IL17D: variants seen among roughly 807,000 people sequenced by gnomAD.
IL17D encodes interleukin 17D.
A neutral mutation model predicts 5.7 loss-of-function variants in IL17D; 10 were observed. The observed-to-expected ratio is 1.75, with a 90% CI of 1.08 to 2.97. The LOEUF is 2.97. IL17D is among the 30% of genes most tolerant of loss of function. The probability of loss-of-function intolerance (pLI) is 0.00; values close to 1 mark genes in which losing one functional copy is unlikely to be tolerated. For missense variants in IL17D, 354 were observed against 292.7 expected, an observed-to-expected ratio of 1.21 and a Z score of -1.53; for synonymous variants, 172 against 141.7, an observed-to-expected ratio of 1.21 and a Z score of -1.52.
intron 1 of IL17D, among the ~76,000 whole-genome samples, chr13:20,718,729 T>A (rs764405840): frequency 3.8e-5 from 2 of 52,084 alleles, no homozygotes; most frequent in Non-Finnish European, 4.0e-5. Flanking sequence ...CTTACACACA[T>A]GGCTACGCTC....
chr13:20,714,006 G>A (rs993592105), intron 1 of IL17D: 1 of 152,272 alleles, frequency 6.6e-6, no homozygotes, highest in Non-Finnish European at 1.5e-5. Flanking sequence ...CTTCAAAGAT[G>A]GCTCTGAACC....
chr13:20,702,244 G>A (rs916110604), upstream of IL17D: 2 of 152,204 alleles, frequency 1.3e-5, no homozygotes, highest in African/African-American at 4.8e-5. Context: ...GCTGTAAATT[G>A]CTTAAATCGC....
intron 1 of IL17D, among the ~76,000 whole-genome samples, chr13:20,711,510 TA>T (rs1319452330): frequency 1.3e-5 from 2 of 152,284 alleles, no homozygotes; most frequent in Non-Finnish European, 2.9e-5. Flanking sequence ...ACTGAGTTTT[TA>T]ACACATGAGC....
intron 1 of IL17D, among the ~76,000 whole-genome samples, chr13:20,710,016 G>A (rs561893769): frequency 1.7e-4 from 26 of 152,270 alleles, no homozygotes; most frequent in African/African-American, 6.0e-4. Context: ...TTGGCCCCAG[G>A]TGACAGACAG....
In IL17D at chr13:20,721,395, T is replaced by G. The variant is rs565777790; in HGVS notation, c.291-241T>G. On this transcript the variant is annotated intron_variant, in intron 1 of 1. Coordinates refer to ENST00000682841, the MANE Select transcript of IL17D (RefSeq NM_001385224.1). ...CATAGATTTTATTTTTCTGCGCACA[T>G]TAGCCCAGACTCTGGAAGTAGTTTT... is the stretch of plus-strand genomic sequence containing the variant. Among the ~76,000 whole-genome samples the G allele has an allele frequency of 7.9e-5, 12 of 152,342 alleles. No individual in the cohort carries two copies. In the East Asian group the frequency reaches 2.3e-3, roughly 29 times the overall value.
intron 1 of IL17D, chr13:20,717,360 T>C (rs969590782): frequency 1.3e-5 from 2 of 152,218 alleles, no homozygotes; most frequent in Admixed American, 6.5e-5. Context: ...CGGTTGCTTG[T>C]CCGTGTTTGG....
rs7787 is a variant in IL17D, at chr13:20,723,059, T to A, written c.*1105T>A. 0.4 allele frequency: 60,433 copies of A among 152,064 alleles called. 12,975 individuals carry two copies. Among genetic ancestry groups the A allele is most frequent in the Non-Finnish European group, 0.49 (33,181 of 68,004 alleles). 9.4% of individuals were successfully genotyped at this position (152,064 alleles called of 1,614,324 possible). On this transcript the variant is annotated 3_prime_UTR_variant, in exon 2 of 2. Transcript: ENST00000682841. ...GAACACAATTATTTGTAAAAGTTAG[T>A]AGTTCTTTTTTAAATCATTAAAAGA...
intron 1 of IL17D, among the ~76,000 whole-genome samples, chr13:20,720,637 C>A (rs531491565): frequency 6.6e-6 from 1 of 152,356 alleles, no homozygotes; most frequent in Admixed American, 6.5e-5. Context: ...AGCTCCTGAT[C>A]CCTGCGCTGC....
intron 1 of IL17D, among the ~76,000 whole-genome samples, chr13:20,707,098 C>G (rs971805720): frequency 7.2e-5 from 11 of 152,124 alleles, no homozygotes; most frequent in Admixed American, 7.2e-4. Context: ...ATTTTCCTGC[C>G]AGGAGAGCCC....
chr13:20,721,500 G>A (rs987572195), intron 1 of IL17D, 136 bp from the exon 2 acceptor site: 1 of 648,090 alleles, frequency 1.5e-6, no homozygotes, highest in Non-Finnish European at 2.6e-6. Flanking sequence ...GTCGGCGGGG[G>A]GCCTCGCACG....
chr13:20,704,246 T>TCCGG lies in IL17D; in HGVS notation c.249_252dup (p.Pro85AlafsTer28). The TCCGG allele has an allele frequency of 4.7e-6, 6 of 1,264,722 alleles. No homozygotes were observed. Among genetic ancestry groups the TCCGG allele is most frequent in the Non-Finnish European group, 6.0e-6 (6 of 1,004,306 alleles). 78.3% of individuals were successfully genotyped at this position (1,264,722 alleles called of 1,614,324 possible). A position where few individuals can be genotyped will look rare whatever the true frequency, so the allele number is the denominator to read the frequency against. ...GGGGGCAGGCCCGCCGACCGCCGCT[T>TCCGG]CCGGCCGCCCACCAACCTGCGCAGC... On this transcript the variant is annotated frameshift_variant, in exon 1 of 2. Transcript: ENST00000682841. LOFTEE classifies it high-confidence loss of function.
chr13:20,702,662 A>G (rs2058554217), upstream of IL17D: 1 of 152,164 alleles, frequency 6.6e-6, no homozygotes, highest in Non-Finnish European at 1.5e-5. Flanking sequence ...GACTGCTTGC[A>G]CTTAGAACTG....
intron 1 of IL17D, among the ~76,000 whole-genome samples, chr13:20,709,292 C>T (rs1383229650): frequency 1.3e-5 from 2 of 152,124 alleles, no homozygotes; most frequent in Non-Finnish European, 2.9e-5. Context: ...TTCACACACC[C>T]TTTAACTTAG....
intron 1 of IL17D, among the ~76,000 whole-genome samples, chr13:20,711,607 C>A (rs777023841): frequency 6.6e-6 from 1 of 152,142 alleles, no homozygotes. Context: ...CAAATAGACA[C>A]CCTAGGTCAC....
intron 1 of IL17D, among the ~76,000 whole-genome samples, chr13:20,705,357 G>A (rs2058583766): frequency 6.6e-6 from 1 of 152,026 alleles, no homozygotes. Flanking sequence ...TGCCTGTGGG[G>A]TGGGCATCGA....
intron 1 of IL17D, among the ~76,000 whole-genome samples, chr13:20,715,144 C>T (rs1336478656): frequency 6.6e-6 from 1 of 152,126 alleles, no homozygotes; most frequent in Non-Finnish European, 1.5e-5. Context: ...CTCATTACTT[C>T]TCTTAAACAT....
chr13:20,717,079 A>G (rs1413082423), intron 1 of IL17D: 5 of 152,068 alleles, frequency 3.3e-5, no homozygotes, highest in Non-Finnish European at 7.4e-5. Flanking sequence ...CTCTGCTGTC[A>G]CTTACATTCC....
At chr13:20,703,395 G>T, upstream of IL17D, 2 of 986,048 alleles carry the variant, frequency 2.0e-6, no homozygotes, top group Non-Finnish European at 2.4e-6. Flanking sequence ...CTGTGTCCGT[G>T]AGGCCGGGCG....
intron 1 of IL17D, among the ~76,000 whole-genome samples, chr13:20,712,051 C>T (rs2058642155): frequency 6.6e-6 from 1 of 152,166 alleles, no homozygotes; most frequent in African/African-American, 2.4e-5. Flanking sequence ...TCCACTTGAC[C>T]GATATTGAAA....
Sources: allele counts gnomAD v4.1 joint callset (sites outside exome capture counted in the v4.1 genomes callset), GRCh38; gene constraint gnomAD v4.1.1; transcripts MANE v1.5; gene names NCBI Gene and HGNC (gene_info 2026-07-23, HGNC 2026-07-21).